Variants in CNNM3 observed in about 807,000 individuals in gnomAD.
The protein encoded by CNNM3 is metal transporter CNNM3.
Under a neutral mutation model 57.1 loss-of-function variants are expected in CNNM3, and 47 were observed. The observed-to-expected ratio is 0.82, with a 90% CI of 0.65 to 1.05. The LOEUF (loss-of-function observed/expected upper bound fraction) is 1.05, where lower values mean the gene tolerates loss of function less well. Among genes scored for constraint, CNNM3 ranks in the 50% least tolerant of loss-of-function variants. The pLI is 0.00. For synonymous variants in CNNM3, 507 were observed against 478.2 expected, an observed-to-expected ratio of 1.06 and a Z score of -0.79; for missense variants, 957 against 973.7, an observed-to-expected ratio of 0.98 and a Z score of 0.23.
chr2:96,818,578 C>T (rs1344640543), intron 1 of CNNM3, among the ~76,000 whole-genome samples: 3 of 152,136 alleles, frequency 2.0e-5, no homozygotes, highest in Non-Finnish European at 4.4e-5. Context: ...ACCCTAAGGT[C>T]TCAAGTTCTC....
chr2:96,827,980 C>A, intron 4 of CNNM3, 80 bp downstream of exon 4: 1 of 1,568,966 alleles, frequency 6.4e-7, no homozygotes, highest in Non-Finnish European at 8.7e-7. Context: ...GGAGCAGGGG[C>A]ATGCGGATAT....
rs574068545 is a variant in CNNM3 at position 96,835,340 on chromosome 2, G to T, written c.*2724G>T. On this transcript the variant is annotated 3_prime_UTR_variant, in exon 8 of 8. Coordinates refer to ENST00000305510, the MANE Select transcript of CNNM3 (RefSeq NM_017623.5). ...CTGAAGGACACCTGGGATGTTTCCA[G>T]TTTGGGGCTATTCCAAATAAAGCTG... 5.3e-5 allele frequency among the ~76,000 whole-genome samples: 8 copies of T among 152,182 alleles called. No homozygotes were observed. Among genetic ancestry groups the T allele is most frequent in the Non-Finnish European group, 1.2e-4 (8 of 68,040 alleles).
intron 1 of CNNM3, among the ~76,000 whole-genome samples, chr2:96,819,809 G>A (rs543704191): frequency 6.6e-6 from 1 of 152,212 alleles, no homozygotes; most frequent in Admixed American, 6.5e-5. Context: ...AACTTCTGTA[G>A]TTGGTCATGA....
Position 96,817,304 on chromosome 2 carries a change from C to T in CNNM3, c.1027C>T (p.Gln343Ter). The T allele has an allele frequency of 6.2e-7, 1 of 1,613,846 alleles. No individual in the cohort carries two copies. The highest frequency in any genetic ancestry group is 8.5e-7 in the Non-Finnish European group (1 of 1,180,036). Residue 343 changes from glutamine to a stop codon, truncating the protein, a stop_gained, in exon 1 of 8, where the codon CAG (glutamine) becomes TAG (stop). Transcript: ENST00000305510. LOFTEE classifies it high-confidence loss of function. ...LDFGVLASIM[Q>*]SGHTRIPVYE... ...CTTCGGCGTCCTGGCCAGCATCATG[C>T]AGAGCGGCCACACGCGCATCCCGGT... is the stretch of plus-strand genomic sequence containing the variant.
In CNNM3 at chr2:96,829,121, C is replaced by T. The variant is rs148612997; in HGVS notation, c.2046C>T (p.Thr682=). 172 of 1,613,900 alleles carry T rather than the reference C, an allele frequency of 1.1e-4. No individual in the cohort carries two copies. The African/African-American group carries it at 1.8e-3, about 17-fold the overall frequency. ...AGACCAGGCTCCTTGGTGAGAAGACCACCACAGCGGCAGGTGAGTGCCAAG... is the reference window on the plus strand; with the variant it reads ...AGACCAGGCTCCTTGGTGAGAAGACTACCACAGCGGCAGGTGAGTGCCAAG... The part of the protein sequence containing the change: ...GSQTRLLGEK[T]TTAAGSSHSR... Residue 682 remains threonine, a synonymous_variant, in exon 7 of 8, where the codon ACC becomes ACT. Coordinates refer to ENST00000305510, the MANE Select transcript of CNNM3 (RefSeq NM_017623.5).
chr2:96,824,434 A>G (rs2079460386), intron 1 of CNNM3: 1 of 152,770 alleles, frequency 6.5e-6, no homozygotes, highest in African/African-American at 2.4e-5. Flanking sequence ...ATACACAGAC[A>G]CACACACATA....
intron 2 of CNNM3, among the ~76,000 whole-genome samples, chr2:96,825,746 C>G (rs747782916): frequency 6.6e-6 from 1 of 152,190 alleles, no homozygotes; most frequent in Non-Finnish European, 1.5e-5. Flanking sequence ...GCTAAAAATA[C>G]AAACATTAGC....
chr2:96,818,932 G>A (rs2079366014), intron 1 of CNNM3, among the ~76,000 whole-genome samples: 1 of 152,356 alleles, frequency 6.6e-6, no homozygotes, highest in South Asian at 2.1e-4. Flanking sequence ...GCCTGTCGTT[G>A]CAGGAAGCCA....
chr2:96,829,805 CTT>C (rs909065090), intron 7 of CNNM3, among the ~76,000 whole-genome samples: 6 of 152,108 alleles, frequency 3.9e-5, no homozygotes, highest in African/African-American at 9.7e-5. Context: ...TTCAGACACT[CTT>C]TTGGCCATTT....
At chr2:96,823,729 A>C (rs2079447179) in intron 1 of CNNM3, among the ~76,000 whole-genome samples, 1 of 152,184 alleles carries the variant, frequency 6.6e-6, no homozygotes, top group Admixed American at 6.5e-5. Flanking sequence ...CTTGAAGCAG[A>C]TACCCCCTCA....
intron 6 of CNNM3, 40 bp from the exon 7 acceptor site, chr2:96,828,956 G>T: frequency 1.2e-6 from 2 of 1,605,384 alleles, no homozygotes; most frequent in Non-Finnish European, 1.7e-6. Flanking sequence ...TCTGCATCTC[G>T]CTTCACCAAT....
intron 7 of CNNM3, among the ~76,000 whole-genome samples, chr2:96,829,770 G>T (rs75486660): frequency 1.6e-4 from 24 of 152,208 alleles, no homozygotes; most frequent in African/African-American, 5.1e-4. Context: ...TCAGAGATTT[G>T]TTGGGAAGTG....
In CNNM3 at chr2:96,817,499, C is replaced by A. The variant is rs1476965978; in HGVS notation, c.1222C>A (p.Arg408=). 6.2e-7 allele frequency: 1 copy of A among 1,608,646 alleles called. No homozygotes were observed. The highest frequency in any genetic ancestry group is 1.7e-5 in the Admixed American group (1 of 59,884). ...GGACGCTGTCCTGGAGGAATTCAAG[C>A]GAGGTAACGGCCCGGGCATGGTGCA... ...KLDAVLEEFK[R]GKSHLAIVQK... The change falls in exon 1 of 8, where the codon CGA becomes AGA. Residue 408 remains arginine (R), a synonymous_variant. Coordinates refer to ENST00000305510, the MANE Select transcript of CNNM3 (RefSeq NM_017623.5).
chr2:96,823,765 T>A (rs1442641248), intron 1 of CNNM3, among the ~76,000 whole-genome samples: 1 of 152,140 alleles, frequency 6.6e-6, no homozygotes, highest in Non-Finnish European at 1.5e-5. Context: ...CAGTTACCCC[T>A]CAGCGTTTCC....
intron 3 of CNNM3, among the ~76,000 whole-genome samples, chr2:96,827,504 G>A (rs1451975207): frequency 6.6e-6 from 1 of 152,152 alleles, no homozygotes; most frequent in Admixed American, 6.5e-5. Context: ...CTGACTGCAG[G>A]TGATCCACCT....
chr2:96,835,531 C>T (rs543088613), downstream of CNNM3, among the ~76,000 whole-genome samples: 9 of 150,992 alleles, frequency 6.0e-5, no homozygotes, highest in African/African-American at 2.2e-4. Flanking sequence ...TGCAGTGGCG[C>T]AGTCTCGGCT....
Position 96,817,365 on chromosome 2 carries a change from T to C in CNNM3, c.1088T>C (p.Leu363Pro). The C allele has an allele frequency of 6.2e-7, 1 of 1,614,148 alleles. No individual in the cohort carries two copies. The highest frequency in any genetic ancestry group is 8.5e-7 in the Non-Finnish European group (1 of 1,180,022). ...GAGCGCTCCAACATCGTGGACATGC[T>C]CTACCTCAAGGACTTGGCCTTCGTG... ...EEERSNIVDM[L>P]YLKDLAFVDP... Residue 363 changes from leucine (L) to proline (P), a missense_variant, in exon 1 of 8, where the codon CTC becomes CCC. This residue lies in a region of CNNM3 where 491 missense variants were observed against 570.6 expected (regional missense o/e 0.86). Transcript: ENST00000305510.
At chr2:96,819,678 A>G (rs997572212) in intron 1 of CNNM3, among the ~76,000 whole-genome samples, 1 of 152,120 alleles carries the variant, frequency 6.6e-6, no homozygotes. Flanking sequence ...TAGATTCTTT[A>G]AGAAAAAGCT....
In CNNM3 at chr2:96,832,857, AG is replaced by A; in HGVS notation, c.*243del. ...GGGCACAGCCCTCCAGGCCCGCCTC[AG>A]GAAGGAATGAAAGGAATGCCATCAT... On this transcript the variant is annotated 3_prime_UTR_variant, in exon 8 of 8. Coordinates refer to ENST00000305510, the MANE Select transcript of CNNM3 (RefSeq NM_017623.5). 6.6e-7 allele frequency: 1 copy of A among 1,505,824 alleles called. No individual in the cohort carries two copies. The highest frequency in any genetic ancestry group is 8.9e-7 in the Non-Finnish European group (1 of 1,128,180). The allele number at this position is 1,505,824 out of a possible 1,614,324, so 93.3% of individuals were successfully genotyped here.
Sources: allele counts gnomAD v4.1 joint callset (sites outside exome capture counted in the v4.1 genomes callset), GRCh38; gene constraint gnomAD v4.1.1; regional missense constraint gnomAD v4.1.1; transcripts MANE v1.5; gene names NCBI Gene and HGNC (gene_info 2026-07-23, HGNC 2026-07-21).